CDK15: variants seen among roughly 807,000 people sequenced by gnomAD.
The protein encoded by CDK15 is cyclin dependent kinase 15, also known as cyclin-dependent kinase 15.
In CDK15, 62 loss-of-function variants were observed where a neutral mutation model predicts 60.3. The observed-to-expected ratio is 1.03, with a 90% CI of 0.84 to 1.27. CDK15 has a LOEUF of 1.27. Among genes scored for constraint, CDK15 ranks in the 50% most tolerant of loss-of-function variants. The pLI is 0.00. For synonymous variants in CDK15, 194 were observed against 195.7 expected (o/e 0.99, Z 0.07); for missense variants, 541 against 527.8 (o/e 1.03, Z -0.25).
intron 3 of CDK15, among the ~76,000 whole-genome samples, chr2:201,810,784 C>G (rs1369457351): frequency 6.6e-6 from 1 of 150,700 alleles, no homozygotes; most frequent in Non-Finnish European, 1.5e-5. Flanking sequence ...CTATCTCAGA[C>G]AGGTGACTAA....
chr2:201,846,951 A>G (rs1697698320), intron 8 of CDK15, among the ~76,000 whole-genome samples: 1 of 152,248 alleles, frequency 6.6e-6, no homozygotes, highest in Non-Finnish European at 1.5e-5. Flanking sequence ...TTCAATAAGT[A>G]TAAAATGAAC....
At chr2:201,842,538 C>A (rs1697437627) in intron 8 of CDK15, among the ~76,000 whole-genome samples, 1 of 152,184 alleles carries the variant, frequency 6.6e-6, no homozygotes, top group African/African-American at 2.4e-5. Flanking sequence ...TTAACTTCAA[C>A]AGTAAGAAAT....
rs543049884 is a variant in CDK15, at chr2:201,822,604, A to C, written c.449-205A>C. On this transcript the variant is annotated intron_variant, in intron 4 of 13. Transcript: ENST00000652192. The stretch of plus-strand genomic sequence containing the variant: ...GCAACCACTCTAGCCTGTAGAAACA[A>C]TAAGTTGCAATGATTTGCCATTTTT... Among the ~76,000 whole-genome samples the C allele has an allele frequency of 3.3e-5, 5 of 152,368 alleles. No homozygotes were observed. The East Asian group carries it at 7.7e-4, about 23-fold the overall frequency.
intron 13 of CDK15, among the ~76,000 whole-genome samples, chr2:201,891,643 C>T (rs1042569804): frequency 2.6e-5 from 4 of 152,066 alleles, no homozygotes; most frequent in Admixed American, 6.5e-5. Flanking sequence ...GTACTGCTAG[C>T]AGGCACAGGA....
intron 12 of CDK15, chr2:201,888,981 T>G (rs1292452363): frequency 4.1e-6 from 4 of 985,958 alleles, no homozygotes; most frequent in Non-Finnish European, 4.8e-6. Flanking sequence ...TATTATAATA[T>G]CCGTGTGAAA....
At chr2:201,891,532 A>G (rs1433231814) in intron 13 of CDK15, among the ~76,000 whole-genome samples, 1 of 152,144 alleles carries the variant, frequency 6.6e-6, no homozygotes, top group African/African-American at 2.4e-5. Context: ...GTAAACCAGG[A>G]TGGTTGGTCA....
chr2:201,862,703 G>A (rs1484464204), intron 10 of CDK15, among the ~76,000 whole-genome samples: 2 of 152,176 alleles, frequency 1.3e-5, no homozygotes, highest in Non-Finnish European at 2.9e-5. Flanking sequence ...AGAGAGGTAT[G>A]TGACTTGCTT....
chr2:201,831,397 A>G (rs901329006), intron 6 of CDK15, among the ~76,000 whole-genome samples: 1 of 152,166 alleles, frequency 6.6e-6, no homozygotes, highest in Non-Finnish European at 1.5e-5. Flanking sequence ...GCCTTTCTGG[A>G]AAGAGTCACC....
At position 201,812,197 on chromosome 2, in the gene CDK15, AAAC is replaced by A. The variant is rs1420665321; in HGVS notation, c.369-283_369-281del. Among the ~76,000 whole-genome samples, 407 of 150,854 alleles carry A rather than the reference AAAC, an allele frequency of 2.7e-3. 3 individuals carry two copies. Among genetic ancestry groups the A allele is most frequent in the African/African-American group, 9.2e-3 (378 of 41,104 alleles). On this transcript the variant is annotated intron_variant, in intron 3 of 13. Transcript: ENST00000652192. ...TCAAAAAAAAAAAAAAAAAACAAAA[AAAC>A]AAAAAAACACTACAATAAGTCAGAT... is the stretch of plus-strand genomic sequence containing the variant.
At position 201,895,045 on chromosome 2, in the gene CDK15, G is replaced by A. The variant is rs1449188038; in HGVS notation, c.*1778G>A. On this transcript the variant is annotated 3_prime_UTR_variant, in exon 14 of 14. Transcript: ENST00000652192. ...AATGCTAGTACCAATCGAAAGCTCA[G>A]GGATGCTACTGTTGACGCATCAGCA... 2.0e-5 allele frequency: 3 copies of A among 152,198 alleles called. No individual in the cohort carries two copies. Among genetic ancestry groups the A allele is most frequent in the Non-Finnish European group, 4.4e-5 (3 of 68,032 alleles). 9.4% of individuals were successfully genotyped at this position (152,198 alleles called of 1,614,324 possible).
At position 201,882,092 on chromosome 2, in the gene CDK15, G is replaced by A. The variant is rs961588126; in HGVS notation, c.1198+1925G>A. Reference sequence around the variant, plus strand: ...AAACTGATGTGTTGTTAGAAACTTGGGTTTTGATTTTTCCTGGCTGACCCA... The same window carrying A: ...AAACTGATGTGTTGTTAGAAACTTGAGTTTTGATTTTTCCTGGCTGACCCA... On this transcript the variant is annotated intron_variant, in intron 12 of 13. Coordinates refer to ENST00000652192, the MANE Select transcript of CDK15 (RefSeq NM_001366386.2). The surrounding 1 kb of genome is among the most constrained non-coding windows in gnomAD (Gnocchi z 4.0). Among the ~76,000 whole-genome samples the A allele has an allele frequency of 2.0e-5, 3 of 152,136 alleles. No individual in the cohort carries two copies. The highest frequency in any genetic ancestry group is 7.2e-5 in the African/African-American group (3 of 41,420).
At chr2:201,848,639 G>C (rs1697774297) in intron 9 of CDK15, among the ~76,000 whole-genome samples, 3 of 151,976 alleles carry the variant, frequency 2.0e-5, no homozygotes, top group Admixed American at 2.0e-4. Context: ...CATATAAGTG[G>C]AATCATACAA....
In CDK15 at chr2:201,876,819, A is replaced by G. The variant is rs368196990; in HGVS notation, c.1059-3209A>G. Among the ~76,000 whole-genome samples, 11 of 152,110 alleles carry G rather than the reference A, an allele frequency of 7.2e-5. No homozygotes were observed. In the South Asian group the frequency reaches 1.9e-3, roughly 26 times the overall value. ...CCTGTTCTTATTTTATTTTTTTGAG[A>G]CAGGGTCTAGTTCTGTCACCCAGGC... is the stretch of plus-strand genomic sequence containing the variant. On this transcript the variant is annotated intron_variant, in intron 11 of 13. Transcript: ENST00000652192.
intron 9 of CDK15, among the ~76,000 whole-genome samples, chr2:201,853,399 A>G (rs1697995247): frequency 6.6e-6 from 1 of 152,216 alleles, no homozygotes; most frequent in South Asian, 2.1e-4. Flanking sequence ...AACAGATGCT[A>G]AAAAGTACAT....
rs1006713477 is a variant in CDK15 at position 201,826,257 on chromosome 2, A to G, written c.606+2530A>G. 6.6e-5 allele frequency among the ~76,000 whole-genome samples: 10 copies of G among 152,170 alleles called. No individual in the cohort carries two copies. In the East Asian group the frequency reaches 1.7e-3, roughly 27 times the overall value. ...GGGTGGATCACAAGGTCAGGAGATC[A>G]AGACCATCCTGGTTAACACGGTGAA... On this transcript the variant is annotated intron_variant, in intron 6 of 13. Coordinates refer to ENST00000652192, the MANE Select transcript of CDK15 (RefSeq NM_001366386.2).
At chr2:201,869,160 A>C (rs1436486149) in intron 10 of CDK15, among the ~76,000 whole-genome samples, 1 of 152,232 alleles carries the variant, frequency 6.6e-6, no homozygotes, top group African/African-American at 2.4e-5. Flanking sequence ...CTGGATTAAG[A>C]AAATGTGGTA....
chr2:201,807,388 A>G (rs556240883), intron 1 of CDK15, 106 bp from the exon 2 acceptor site: 1 of 1,221,194 alleles, frequency 8.2e-7, no homozygotes, highest in Admixed American at 2.4e-5. Flanking sequence ...AAGCTTAGAA[A>G]ACATTTGAAG....
chr2:201,888,836 C>A (rs537305773), intron 12 of CDK15: 10 of 1,073,300 alleles, frequency 9.3e-6, no homozygotes, highest in South Asian at 3.7e-5. Context: ...TACTTCTCCC[C>A]GAGAGAAGTT....
At chr2:201,817,488 C>T (rs778471838) in intron 4 of CDK15, among the ~76,000 whole-genome samples, 1 of 152,150 alleles carries the variant, frequency 6.6e-6, no homozygotes, top group East Asian at 1.9e-4. Context: ...CTGATTCTAT[C>T]ATTGATTCTA....
Sources: allele counts gnomAD v4.1 joint callset (sites outside exome capture counted in the v4.1 genomes callset), GRCh38; gene constraint gnomAD v4.1.1; non-coding constraint Gnocchi (gnomAD v3.1); transcripts MANE v1.5; gene names NCBI Gene and HGNC (gene_info 2026-07-23, HGNC 2026-07-21).